Variants in PAH observed in about 807,000 individuals in gnomAD.
The protein encoded by PAH is phenylalanine-4-hydroxylase.
In PAH, 64 loss-of-function variants were observed where a neutral mutation model predicts 62.0. The ratio of observed to expected loss-of-function variants is 1.03; its 90% CI spans 0.84 to 1.27. The LOEUF is 1.27. Among genes scored for constraint, PAH ranks in the 50% most tolerant of loss-of-function variants. PAH has a pLI of 0.00. For missense variants in PAH, 579 were observed against 542.8 expected, an observed-to-expected ratio of 1.07 and a Z score of -0.66; for synonymous variants, 195 against 196.2, an observed-to-expected ratio of 0.99 and a Z score of 0.05.
In PAH at chr12:102,917,061, C is replaced by T. The variant is rs1878409841; in HGVS notation, c.60+10G>A. On this transcript the variant is annotated intron_variant, in intron 1 of 12. Transcript: ENST00000553106. Reference sequence around the variant, plus strand: ...CCCCTAACTGAGCAGCTCAGGCTGCCGTGGCTCACCTGTCCAAAGTCAGAG... The same window carrying T: ...CCCCTAACTGAGCAGCTCAGGCTGCTGTGGCTCACCTGTCCAAAGTCAGAG... 1.9e-6 allele frequency: 3 copies of T among 1,614,014 alleles called. No individual in the cohort carries two copies. The highest frequency in any genetic ancestry group is 2.5e-6 in the Non-Finnish European group (3 of 1,179,880).
chr12:102,874,605 G>T (rs953082260), intron 4 of PAH, among the ~76,000 whole-genome samples: 5 of 152,174 alleles, frequency 3.3e-5, no homozygotes, highest in African/African-American at 4.8e-5. Context: ...CACAGCCCCT[G>T]CTCAAGAAGC....
intron 1 of PAH, chr12:102,945,136 G>C (rs1409395683): frequency 6.6e-6 from 1 of 152,330 alleles, no homozygotes; most frequent in East Asian, 1.9e-4. Context: ...CTCTCACTCT[G>C]TGCTGAGCTG....
At chr12:102,845,419 T>TC (rs1874794104) in intron 9 of PAH, among the ~76,000 whole-genome samples, 1 of 152,118 alleles carries the variant, frequency 6.6e-6, no homozygotes, top group Admixed American at 6.6e-5. Flanking sequence ...GCAGACTGGG[T>TC]AGTGATAGAA....
At chr12:102,884,943 C>G (rs1183361688) in intron 3 of PAH, among the ~76,000 whole-genome samples, 2 of 152,188 alleles carry the variant, frequency 1.3e-5, no homozygotes, top group Non-Finnish European at 2.9e-5. Context: ...AGCAAATAGG[C>G]TCAAAGAGAC....
intron 3 of PAH, among the ~76,000 whole-genome samples, chr12:102,886,770 T>C (rs180774279): frequency 7.1e-4 from 108 of 152,300 alleles, no homozygotes; most frequent in Admixed American, 2.3e-3. Context: ...CCATGTATTA[T>C]GCCATGTAGC....
chr12:102,894,920 T>C lies in PAH; in HGVS notation c.169-2A>G, dbSNP rs1226613045. ...GTGGGTCAGGTTTACATCATTCTCC[T>C]AGAAGAGAGAATGGGGAGGGTGAGG... On this transcript the variant is annotated splice_acceptor_variant, in intron 2 of 12. Coordinates refer to ENST00000553106, the MANE Select transcript of PAH (RefSeq NM_000277.3). LOFTEE classifies it high-confidence loss of function. 2 of 1,608,568 alleles carry C rather than the reference T, an allele frequency of 1.2e-6. No individual in the cohort carries two copies. The highest frequency in any genetic ancestry group is 2.2e-5 in the South Asian group (2 of 91,002).
At chr12:102,930,536 G>A (rs1321696304) in intron 1 of PAH, among the ~76,000 whole-genome samples, 2 of 152,176 alleles carry the variant, frequency 1.3e-5, no homozygotes, top group South Asian at 2.1e-4. Context: ...ATTCATTTGT[G>A]TATAGTTAGT....
chr12:102,882,374 C>G (rs1484315311), intron 3 of PAH, among the ~76,000 whole-genome samples: 1 of 152,092 alleles, frequency 6.6e-6, no homozygotes, highest in Non-Finnish European at 1.5e-5. Flanking sequence ...CATTTACTAT[C>G]TATGAGCCCA....
At chr12:102,938,430 G>T (rs1388621770) in intron 1 of PAH, among the ~76,000 whole-genome samples, 1 of 152,146 alleles carries the variant, frequency 6.6e-6, no homozygotes, top group Non-Finnish European at 1.5e-5. Context: ...GACACCACCT[G>T]CTGTAAGTGT....
At chr12:102,868,685 G>A (rs1293358453) in intron 4 of PAH, among the ~76,000 whole-genome samples, 1 of 151,814 alleles carries the variant, frequency 6.6e-6, no homozygotes, top group Non-Finnish European at 1.5e-5. Flanking sequence ...ATAAAACTGG[G>A]CACCATGATT....
intron 1 of PAH, chr12:102,923,596 C>G (rs910817864): frequency 3.9e-5 from 6 of 152,154 alleles, no homozygotes; most frequent in African/African-American, 1.4e-4. Context: ...TCTCACCATT[C>G]TAGAGGGGGA....
chr12:102,938,591 C>T lies in PAH; in HGVS notation c.-96+11998G>A, dbSNP rs569237449. Reference sequence around the variant, plus strand: ...CTGGCCCAGGACCCCAGAACAGCCACCCTACTCCCACCTAAGCATTTGGGC... The same window carrying T: ...CTGGCCCAGGACCCCAGAACAGCCATCCTACTCCCACCTAAGCATTTGGGC... On this transcript the variant is annotated intron_variant, in intron 1 of 3. Coordinates refer to the PAH transcript ENST00000546844. Among the ~76,000 whole-genome samples, 3 of 152,296 alleles carry T rather than the reference C, an allele frequency of 2.0e-5. No individual in the cohort carries two copies. In the South Asian group the frequency reaches 6.2e-4, roughly 32 times the overall value.
rs553170938 is a variant in PAH at position 102,909,088 on chromosome 12, A to G, written c.168+3703T>C. On this transcript the variant is annotated intron_variant, in intron 2 of 12. Transcript: ENST00000553106. Reference sequence around the variant, plus strand: ...GGTGATACTCCCGCCTCAGCCTCTCAAAGTGCTGGGATTACAGACGTGAGC... The same window carrying G: ...GGTGATACTCCCGCCTCAGCCTCTCGAAGTGCTGGGATTACAGACGTGAGC... 3.9e-5 allele frequency among the ~76,000 whole-genome samples: 6 copies of G among 152,124 alleles called. No individual in the cohort carries two copies. The East Asian group carries it at 9.7e-4, about 24-fold the overall frequency.
rs1044110591 is a variant in PAH at position 102,846,786 on chromosome 12, A to AT, written c.969+108dup. ...TGCAAATGTAACCCACCACATTCTGATTTTTTTCCCCAGATAACCTGGCTT... is the reference window on the plus strand; with the variant it reads ...TGCAAATGTAACCCACCACATTCTGATTTTTTTTCCCCAGATAACCTGGCTT... On this transcript the variant is annotated intron_variant, in intron 9 of 12. Transcript: ENST00000553106. 3.9e-5 allele frequency: 34 copies of AT among 862,216 alleles called. No homozygotes were observed. In the African/African-American group the frequency reaches 5.2e-4, roughly 13 times the overall value. The allele number at this position is 862,216 out of a possible 1,614,324, so 53.4% of individuals were successfully genotyped here. A position where few individuals can be genotyped will look rare whatever the true frequency, so the allele number is the denominator to read the frequency against.
intron 2 of PAH, among the ~76,000 whole-genome samples, chr12:102,906,095 A>G (rs1279761991): frequency 1.3e-5 from 2 of 152,240 alleles, no homozygotes; most frequent in Non-Finnish European, 2.9e-5. Flanking sequence ...AAGACAAATT[A>G]TAAATGTTAT....
chr12:102,916,019 C>A (rs1204471078), intron 1 of PAH, among the ~76,000 whole-genome samples: 1 of 152,100 alleles, frequency 6.6e-6, no homozygotes, highest in Non-Finnish European at 1.5e-5. Flanking sequence ...GACCGTATTG[C>A]CAGCAGCACC....
intron 4 of PAH, among the ~76,000 whole-genome samples, chr12:102,869,608 A>T (rs1224990896): frequency 6.6e-6 from 1 of 152,230 alleles, no homozygotes; most frequent in Non-Finnish European, 1.5e-5. Flanking sequence ...CACTATACAG[A>T]TCTTCCATGT....
intron 2 of PAH, among the ~76,000 whole-genome samples, chr12:102,906,867 G>C (rs913746845): frequency 3.9e-5 from 6 of 152,174 alleles, no homozygotes; most frequent in African/African-American, 1.4e-4. Flanking sequence ...TACTGAAAGA[G>C]GCTGCAGACC....
chr12:102,875,871 T>C (rs2136676934), intron 4 of PAH, among the ~76,000 whole-genome samples: 1 of 151,522 alleles, frequency 6.6e-6, no homozygotes, highest in Non-Finnish European at 1.5e-5. Context: ...TAGTAAGTTG[T>C]GACAGTTAAT....
Sources: allele counts gnomAD v4.1 joint callset (sites outside exome capture counted in the v4.1 genomes callset), GRCh38; gene constraint gnomAD v4.1.1; transcripts MANE v1.5; gene names NCBI Gene and HGNC (gene_info 2026-07-23, HGNC 2026-07-21).